Variants in LARP4 observed in about 807,000 individuals in gnomAD.
LARP4 encodes the protein la-related protein 4.
A neutral mutation model predicts 92.9 loss-of-function variants in LARP4; 29 were observed. The observed-to-expected ratio is 0.31, with a 90% CI of 0.23 to 0.43. The LOEUF is 0.43. Ranked by LOEUF, LARP4 falls within the 20% of genes least tolerant of loss-of-function variation. LARP4 has a pLI of 1.00. For missense variants in LARP4, 732 were observed against 860.0 expected (o/e 0.85, Z 1.86); for synonymous variants, 279 against 284.1 (o/e 0.98, Z 0.18).
chr12:50,446,817 A>C (rs1303501274), intron 8 of LARP4, among the ~76,000 whole-genome samples: 2 of 152,100 alleles, frequency 1.3e-5, no homozygotes, highest in Admixed American at 6.5e-5. Context: ...AATGTATGAC[A>C]TTACTTAGGT....
rs146662191 is a variant in LARP4, at chr12:50,403,353, C to T, written c.18+2325C>T. The stretch of plus-strand genomic sequence containing the variant: ...ATTCTTTAAATGTTAATGGCAGCAA[C>T]AGTGTATGTGACCTTGTCACCAAGA... On this transcript the variant is annotated intron_variant, in intron 1 of 15. Coordinates refer to ENST00000398473, the MANE Select transcript of LARP4 (RefSeq NM_052879.5). Among the ~76,000 whole-genome samples the T allele has an allele frequency of 2.6e-5, 4 of 152,272 alleles. No individual in the cohort carries two copies. In the East Asian group the frequency reaches 7.7e-4, roughly 29 times the overall value.
intron 2 of LARP4, 34 bp downstream of exon 2, chr12:50,427,943 GT>G: frequency 7.3e-7 from 1 of 1,373,542 alleles, no homozygotes; most frequent in Non-Finnish European, 9.8e-7. Context: ...AAAAATCACA[GT>G]TTGGTTAAAT....
intron 1 of LARP4, among the ~76,000 whole-genome samples, chr12:50,414,899 G>A (rs749575433): frequency 2.6e-5 from 4 of 152,086 alleles, no homozygotes; most frequent in Non-Finnish European, 5.9e-5. Flanking sequence ...GTGTGCATCA[G>A]TGGCTTTTAA....
chr12:50,411,250 A>G (rs184331717), intron 1 of LARP4, among the ~76,000 whole-genome samples: 24 of 151,770 alleles, frequency 1.6e-4, no homozygotes, highest in Non-Finnish European at 3.1e-4. Flanking sequence ...CAGTGGCGCA[A>G]TCTTGGCTCA....
chr12:50,471,855 TA>T (rs1239435540), intron 13 of LARP4, among the ~76,000 whole-genome samples: 2 of 152,202 alleles, frequency 1.3e-5, no homozygotes, highest in Non-Finnish European at 2.9e-5. Context: ...CAGACTCATA[TA>T]TTTTTTTTAC....
At chr12:50,402,296 T>G (rs1013595001) in intron 1 of LARP4, among the ~76,000 whole-genome samples, 1 of 152,208 alleles carries the variant, frequency 6.6e-6, no homozygotes, top group Non-Finnish European at 1.5e-5. Flanking sequence ...TATCTAACAT[T>G]CATAATAAAC....
rs1398007450 is a variant in LARP4, at chr12:50,473,488, T to G, written c.1619T>G (p.Leu540Arg). 1.9e-6 allele frequency: 3 copies of G among 1,613,408 alleles called. No homozygotes were observed. In the South Asian group the frequency reaches 3.3e-5, roughly 18 times the overall value. The change falls in exon 14 of 16, where the codon CTC becomes CGC. Residue 540 changes from leucine (L) to arginine (R), a missense_variant. This residue lies in a region of LARP4 where 97 missense variants were observed against 85.9 expected (regional missense o/e 1.13). Coordinates refer to ENST00000398473, the MANE Select transcript of LARP4 (RefSeq NM_052879.5). Reference protein sequence around the residue: ...EQTECTSAQQLNMSTSSPCAA... With the variant: ...EQTECTSAQQRNMSTSSPCAA... The stretch of plus-strand genomic sequence containing the variant: ...ACAGAATGCACTTCTGCCCAGCAAC[T>G]CAATATGAGTACCAGTTCTCCATGT...
intron 11 of LARP4, 59 bp from the exon 12 acceptor site, chr12:50,462,523 A>AAGAAACT: frequency 1.0e-6 from 1 of 966,420 alleles, no homozygotes; most frequent in South Asian, 1.4e-5. Flanking sequence ...TATATATCTG[A>AAGAAACT]AGAAACTTAT....
intron 8 of LARP4, among the ~76,000 whole-genome samples, chr12:50,452,761 C>T (rs1315755799): frequency 6.6e-6 from 1 of 152,040 alleles, no homozygotes; most frequent in Non-Finnish European, 1.5e-5. Flanking sequence ...AGCCGTTTGC[C>T]TTTTTTTGTT....
chr12:50,472,968 A>G (rs1299464812), intron 13 of LARP4, among the ~76,000 whole-genome samples: 1 of 151,778 alleles, frequency 6.6e-6, no homozygotes. Context: ...GATTACAGGC[A>G]TGCACCACCG....
chr12:50,431,120 T>A (rs1949589253), intron 4 of LARP4, among the ~76,000 whole-genome samples: 1 of 151,832 alleles, frequency 6.6e-6, no homozygotes, highest in African/African-American at 2.4e-5. Context: ...ATACAAAAAT[T>A]AGCGGGGCAT....
At chr12:50,434,659 G>A (rs1054429220) in intron 4 of LARP4, among the ~76,000 whole-genome samples, 1 of 151,026 alleles carries the variant, frequency 6.6e-6, no homozygotes, top group Non-Finnish European at 1.5e-5. Flanking sequence ...CACCCGCCTC[G>A]GCGTCCCAAA....
rs1217439495 is a variant in LARP4, at chr12:50,461,298, G to A, written c.1285G>A (p.Glu429Lys). ...GHQEQTYLQK[E>K]TSTLQVEQNG... ...TCAGGAGCAAACTTACCTTCAGAAG[G>A]AGACTTCCACTTTGCAGGTGGAACA... is the stretch of plus-strand genomic sequence containing the variant. The change falls in exon 11 of 16, where the codon GAG becomes AAG. Residue 429 changes from glutamate to lysine, a missense_variant. Around this residue, in one of 7 missense-constraint regions of LARP4, gnomAD observed 264 missense variants for 269.5 expected, o/e 0.98. Transcript: ENST00000398473. 1.9e-6 allele frequency: 3 copies of A among 1,614,046 alleles called. No individual in the cohort carries two copies. The highest frequency in any genetic ancestry group is 2.5e-6 in the Non-Finnish European group (3 of 1,179,998).
intron 5 of LARP4, among the ~76,000 whole-genome samples, chr12:50,436,674 G>A (rs1485096450): frequency 3.3e-5 from 5 of 152,128 alleles, no homozygotes; most frequent in Non-Finnish European, 7.3e-5. Flanking sequence ...TTTGTGTCTT[G>A]TATCAGTATT....
At chr12:50,459,800 G>C (rs934554551) in intron 10 of LARP4, among the ~76,000 whole-genome samples, 15 of 142,046 alleles carry the variant, frequency 1.1e-4, no homozygotes, top group African/African-American at 3.7e-4. Context: ...CTCCAGCCTG[G>C]CGACAGAGCA....
chr12:50,403,125 G>A (rs1296118867), intron 1 of LARP4, among the ~76,000 whole-genome samples: 1 of 152,132 alleles, frequency 6.6e-6, no homozygotes, highest in African/African-American at 2.4e-5. Context: ...AATAATGTGG[G>A]GGCTAAAGTC....
chr12:50,437,889 G>C (rs1429965653), intron 6 of LARP4, 51 bp downstream of exon 6: 2 of 1,255,166 alleles, frequency 1.6e-6, no homozygotes, highest in East Asian at 2.4e-5. Context: ...TAAATTAAAA[G>C]AGGTTTCTTC....
chr12:50,405,702 G>A (rs1565923187), intron 1 of LARP4, among the ~76,000 whole-genome samples: 2 of 152,108 alleles, frequency 1.3e-5, no homozygotes, highest in Admixed American at 6.6e-5. Context: ...TGGGTATGCA[G>A]TGACTACTGA....
chr12:50,430,600 A>AT (rs772400097), intron 4 of LARP4, 30 bp downstream of exon 4: 11 of 1,315,792 alleles, frequency 8.4e-6, no homozygotes, highest in Middle Eastern at 1.9e-4. Flanking sequence ...ATTGAATTTT[A>AT]TTAGTAGATG....
Sources: allele counts gnomAD v4.1 joint callset (sites outside exome capture counted in the v4.1 genomes callset), GRCh38; gene constraint gnomAD v4.1.1; regional missense constraint gnomAD v4.1.1; transcripts MANE v1.5; gene names NCBI Gene and HGNC (gene_info 2026-07-23, HGNC 2026-07-21).